The following UTRN variants were observed in gnomAD, a reference collection of about 807,000 sequenced individuals.
UTRN encodes the protein dystrophin-related protein 1.
Under a neutral mutation model 463.9 loss-of-function variants are expected in UTRN, and 283 were observed. The ratio of observed to expected loss-of-function variants is 0.61; its 90% CI spans 0.55 to 0.67. The LOEUF is 0.67. Ranked by LOEUF, UTRN falls within the 30% of genes least tolerant of loss-of-function variation. UTRN has a pLI of 0.00. For missense variants in UTRN, 3,922 were observed against 4,084.3 expected (o/e 0.96, Z 1.08); for synonymous variants, 1,442 against 1,431.5 (o/e 1.01, Z -0.17).
intron 3 of UTRN, among the ~76,000 whole-genome samples, chr6:144,418,850 C>G (rs1205913192): frequency 6.6e-6 from 1 of 152,062 alleles, no homozygotes; most frequent in East Asian, 1.9e-4. Context: ...CCGTGCCCAG[C>G]CAGTTGTTTT....
chr6:144,678,611 G>T, intron 52 of UTRN, 33 bp downstream of exon 52: 1 of 1,539,004 alleles, frequency 6.5e-7, no homozygotes, highest in Non-Finnish European at 8.8e-7. Flanking sequence ...TAAAAATAAT[G>T]GGGTGGAAGG....
At chr6:144,463,694 T>C (rs950997843) in intron 23 of UTRN, among the ~76,000 whole-genome samples, 1 of 151,776 alleles carries the variant, frequency 6.6e-6, no homozygotes, top group Non-Finnish European at 1.5e-5. Context: ...TGCCAAGATG[T>C]ACTCATAACT....
At chr6:144,301,023 A>G (rs564255031) in intron 2 of UTRN, among the ~76,000 whole-genome samples, 3 of 152,186 alleles carry the variant, frequency 2.0e-5, no homozygotes, top group Admixed American at 6.5e-5. Flanking sequence ...ATTTAGTGTT[A>G]AAGGCTCCTG....
intron 50 of UTRN, among the ~76,000 whole-genome samples, chr6:144,573,345 A>G (rs1801132132): frequency 6.6e-6 from 1 of 151,848 alleles, no homozygotes; most frequent in Admixed American, 6.6e-5. Flanking sequence ...TGAAGTTGGG[A>G]GTTCAAGACC....
chr6:144,838,991 C>T (rs1277031245), intron 71 of UTRN, 182 bp from the exon 72 acceptor site: 6 of 514,248 alleles, frequency 1.2e-5, no homozygotes, highest in African/African-American at 1.9e-5. Context: ...GGTGTCCAAG[C>T]GGAAAGAGAA....
chr6:144,824,770 T>G (rs199896642), intron 66 of UTRN, among the ~76,000 whole-genome samples: 26 of 114,676 alleles, frequency 2.3e-4, no homozygotes, highest in South Asian at 3.1e-4. Flanking sequence ...GTGAAGTTGG[T>G]GGTGGGGGGG....
intron 18 of UTRN, among the ~76,000 whole-genome samples, chr6:144,451,698 T>C (rs908717636): frequency 6.6e-6 from 1 of 152,072 alleles, no homozygotes; most frequent in Admixed American, 6.5e-5. Context: ...TTTTTTTTTT[T>C]TCATCTTTGT....
At chr6:144,575,391 C>T (rs78118989) in intron 50 of UTRN, among the ~76,000 whole-genome samples, 2,442 of 152,078 alleles carry the variant, frequency 0.016, 76 homozygotes, top group African/African-American at 0.056. Flanking sequence ...GATAGAAGGA[C>T]GGATGGATGG....
intron 33 of UTRN, among the ~76,000 whole-genome samples, chr6:144,496,049 T>A (rs1277849492): frequency 6.6e-6 from 1 of 152,110 alleles, no homozygotes; most frequent in Non-Finnish European, 1.5e-5. Context: ...GCAAGAAATA[T>A]CTCTAATTTG....
intron 9 of UTRN, among the ~76,000 whole-genome samples, chr6:144,435,095 T>A (rs1469625563): frequency 4.6e-5 from 7 of 152,210 alleles, no homozygotes; most frequent in African/African-American, 1.4e-4. Context: ...AAAGGGAATG[T>A]TAACAAACCA....
chr6:144,531,310 T>C (rs1797039084), intron 42 of UTRN, 108 bp downstream of exon 42: 1 of 1,138,558 alleles, frequency 8.8e-7, no homozygotes, highest in Admixed American at 3.8e-5. Flanking sequence ...CAGAAGTCAA[T>C]GGACAATTTG....
chr6:144,690,673 T>G (rs1254676276), intron 52 of UTRN, among the ~76,000 whole-genome samples: 3 of 152,168 alleles, frequency 2.0e-5, no homozygotes, highest in Non-Finnish European at 2.9e-5. Context: ...ATGACTTCCC[T>G]TCATCCCTCT....
At chr6:144,604,741 C>T (rs1018661731) in intron 51 of UTRN, among the ~76,000 whole-genome samples, 3 of 151,878 alleles carry the variant, frequency 2.0e-5, no homozygotes, top group African/African-American at 4.8e-5. Context: ...TGGTGAAACC[C>T]GATCTCTACT....
At chr6:144,452,245 G>C (rs1178168067) in intron 18 of UTRN, among the ~76,000 whole-genome samples, 3 of 152,052 alleles carry the variant, frequency 2.0e-5, no homozygotes, top group African/African-American at 7.2e-5. Flanking sequence ...CTTGATCTTT[G>C]ACTATAAGAA....
chr6:144,436,016 A>G lies in UTRN; in HGVS notation c.937A>G (p.Ser313Gly). The G allele has an allele frequency of 6.2e-7, 1 of 1,614,278 alleles. No individual in the cohort carries two copies. Among genetic ancestry groups the G allele is most frequent in the Non-Finnish European group, 8.5e-7 (1 of 1,180,060 alleles). The part of the protein sequence containing the change: ...TVTEVDMDLD[S>G]YQIALEEVLT... ...CACTGAGGTTGACATGGATCTGGAC[A>G]GCTATCAGATTGCGTTGGAGGAAGT... The change falls in exon 10 of 75, where the codon AGC becomes GGC. Residue 313 changes from serine to glycine, a missense_variant. By Grantham distance (56) the Ser-to-Gly change is moderately conservative. Around this residue, in one of 3 missense-constraint regions of UTRN, gnomAD observed 2,349 missense variants for 2,303.8 expected, o/e 1.02. Coordinates refer to ENST00000367545, the MANE Select transcript of UTRN (RefSeq NM_007124.3).
intron 2 of UTRN, among the ~76,000 whole-genome samples, chr6:144,316,955 G>T (rs559872582): frequency 1.3e-5 from 2 of 152,320 alleles, no homozygotes; most frequent in South Asian, 2.1e-4. Flanking sequence ...GAAATGAGTG[G>T]ATTGGTAAGA....
intron 30 of UTRN, among the ~76,000 whole-genome samples, chr6:144,489,747 G>A (rs935496209): frequency 1.3e-5 from 2 of 151,838 alleles, no homozygotes; most frequent in Non-Finnish European, 2.9e-5. Context: ...TCAGCCTCCC[G>A]AGTAGCTGGG....
At chr6:144,429,863 A>C in intron 9 of UTRN, 122 bp downstream of exon 9, 1 of 1,040,186 alleles carries the variant, frequency 9.6e-7, no homozygotes, top group Non-Finnish European at 1.4e-6. Flanking sequence ...CTCAGCTTAC[A>C]TTTGCATAAG....
intron 2 of UTRN, among the ~76,000 whole-genome samples, chr6:144,318,130 A>G (rs1459787874): frequency 6.6e-6 from 1 of 152,072 alleles, no homozygotes; most frequent in Non-Finnish European, 1.5e-5. Flanking sequence ...GTACAATAAT[A>G]CTGTTAACGA....
Sources: gnomAD v4.1 joint callset for allele counts (sites outside exome capture counted in the v4.1 genomes callset) on GRCh38, gnomAD v4.1.1 for gene constraint, gnomAD v4.1.1 regional missense constraint, MANE v1.5 for transcripts, NCBI Gene and HGNC (gene_info 2026-07-23, HGNC 2026-07-21) for gene names.